Variants in TMC2 observed in about 807,000 individuals in gnomAD.
TMC2 encodes transmembrane channel-like protein 2.
Under a neutral mutation model 105.9 loss-of-function variants are expected in TMC2, and 102 were observed. The ratio of observed to expected loss-of-function variants is 0.96; its 90% CI spans 0.82 to 1.14. TMC2 has a LOEUF of 1.14. Among genes scored for constraint, TMC2 ranks in the 50% most tolerant of loss-of-function variants. The probability of loss-of-function intolerance (pLI) is 0.00; values close to 1 mark genes in which losing one functional copy is unlikely to be tolerated. For missense variants in TMC2, 1,093 were observed against 1,134.3 expected, an observed-to-expected ratio of 0.96 and a Z score of 0.52; for synonymous variants, 402 against 422.8, an observed-to-expected ratio of 0.95 and a Z score of 0.60.
chr20:2,553,724 G>A (rs1320247305), intron 2 of TMC2, among the ~76,000 whole-genome samples: 1 of 152,104 alleles, frequency 6.6e-6, no homozygotes, highest in Non-Finnish European at 1.5e-5. Context: ...GTTATTAATT[G>A]CCGAGACAAT....
chr20:2,559,082 G>GGCGGGGCGCGGGTGGAGAGGTT (rs1235534585), intron 3 of TMC2, among the ~76,000 whole-genome samples: 21 of 152,014 alleles, frequency 1.4e-4, no homozygotes, highest in East Asian at 3.9e-4. Context: ...GTGGAGAGGT[G>GGCGGGGCGCGGGTGGAGAGGTT]ACAGGGCAGC....
At chr20:2,611,596 C>G (rs753555233) in intron 12 of TMC2, among the ~76,000 whole-genome samples, 3 of 152,152 alleles carry the variant, frequency 2.0e-5, no homozygotes, top group Non-Finnish European at 4.4e-5. Flanking sequence ...TGTGGATGCT[C>G]CTTTTCCCAG....
At chr20:2,540,842 C>G (rs1314119817) in intron 2 of TMC2, among the ~76,000 whole-genome samples, 1 of 152,106 alleles carries the variant, frequency 6.6e-6, no homozygotes, top group Non-Finnish European at 1.5e-5. Context: ...TAGTGTGACC[C>G]TTTGATGTAG....
At chr20:2,585,926 A>G (rs1265653149) in intron 7 of TMC2, among the ~76,000 whole-genome samples, 2 of 152,202 alleles carry the variant, frequency 1.3e-5, no homozygotes, top group African/African-American at 4.8e-5. Flanking sequence ...TTTATTCCTT[A>G]GTAGTGAGTC....
At chr20:2,574,076 A>G (rs2086125152) in intron 5 of TMC2, among the ~76,000 whole-genome samples, 1 of 152,176 alleles carries the variant, frequency 6.6e-6, no homozygotes, top group Non-Finnish European at 1.5e-5. Flanking sequence ...ATGGGAGTTG[A>G]TGGCTTGAAA....
intron 2 of TMC2, among the ~76,000 whole-genome samples, chr20:2,544,454 T>C (rs897862160): frequency 1.3e-5 from 2 of 152,164 alleles, no homozygotes; most frequent in African/African-American, 4.8e-5. Context: ...TAACCAAATA[T>C]GAGGTTACTC....
chr20:2,548,799 G>A (rs535244069), intron 2 of TMC2, among the ~76,000 whole-genome samples: 1 of 152,230 alleles, frequency 6.6e-6, no homozygotes, highest in Admixed American at 6.5e-5. Context: ...AAAATGTTCA[G>A]AGTAATGAAT....
intron 5 of TMC2, among the ~76,000 whole-genome samples, chr20:2,577,881 T>A (rs1257199257): frequency 6.6e-6 from 1 of 151,860 alleles, no homozygotes; most frequent in African/African-American, 2.4e-5. Context: ...GGCAGCAGAG[T>A]GAGACCATGT....
In TMC2 at chr20:2,616,326, CCTCTTT is replaced by C; in HGVS notation, c.1940+124_1940+129del. On this transcript the variant is annotated intron_variant, in intron 15 of 19. Coordinates refer to ENST00000358864, the MANE Select transcript of TMC2 (RefSeq NM_080751.3). The surrounding 1 kb of genome is among the most constrained non-coding windows in gnomAD (Gnocchi z 4.8). ...AAGTCCTCTTGCCTCTCTGAACTCC[CCTCTTT>C]CACATGAAAAATCAAGAGCGGGACT... 1.3e-6 allele frequency: 1 copy of C among 748,364 alleles called. No individual in the cohort carries two copies. Among genetic ancestry groups the C allele is most frequent in the South Asian group, 1.5e-5 (1 of 65,244 alleles). The allele number at this position is 748,364 out of a possible 1,614,324, so 46.4% of individuals were successfully genotyped here.
chr20:2,558,884 C>A lies in TMC2; in HGVS notation c.401+110C>A. 8.7e-7 allele frequency: 1 copy of A among 1,151,962 alleles called. No individual in the cohort carries two copies. The highest frequency in any genetic ancestry group is 1.2e-6 in the Non-Finnish European group (1 of 834,096). The allele number at this position is 1,151,962 out of a possible 1,614,324, so 71.4% of individuals were successfully genotyped here. ...TGCCCCCCTCCCCGGGGAGAGGCAG[C>A]CCGTGCCCTCGCTCTGGCTTCCGTG... On this transcript the variant is annotated intron_variant, in intron 3 of 19. Transcript: ENST00000358864. The surrounding 1 kb of genome is among the most constrained non-coding windows in gnomAD (Gnocchi z 4.6).
At chr20:2,569,457 G>C (rs6106982) in intron 4 of TMC2, among the ~76,000 whole-genome samples, 19,273 of 152,076 alleles carry the variant, frequency 0.13, 1,520 homozygotes, top group African/African-American at 0.21. Flanking sequence ...TGGATATACT[G>C]CATCATAAGT....
At position 2,613,298 on chromosome 20, in the gene TMC2, G is replaced by C. The variant is rs955255332; in HGVS notation, c.1848G>C (p.Trp616Cys). Residue 616 changes from tryptophan (W) to cysteine (C), a missense_variant, in exon 14 of 20, where the codon TGG (tryptophan) becomes TGC (cysteine). Trp to Cys is a radical substitution (Grantham distance 215). Coordinates refer to ENST00000358864, the MANE Select transcript of TMC2 (RefSeq NM_080751.3). ...ACFVRFMNYC[W>C]CWDLEAGFPS... ...TTGTGCGGTTCATGAACTACTGCTG[G>C]TGCTGGGACTTGGAGGCTGGATTTG... 1.9e-6 allele frequency: 3 copies of C among 1,613,984 alleles called. No homozygotes were observed. The highest frequency in any genetic ancestry group is 1.7e-5 in the Admixed American group (1 of 59,992).
intron 6 of TMC2, 121 bp downstream of exon 6, chr20:2,579,348 A>G: frequency 2.3e-6 from 1 of 431,256 alleles, no homozygotes; most frequent in Non-Finnish European, 4.2e-6. Flanking sequence ...TTAGGAAAAA[A>G]GAATGAGTTT....
intron 7 of TMC2, among the ~76,000 whole-genome samples, chr20:2,589,318 G>GTGTGTGTT: frequency 1.3e-5 from 2 of 150,566 alleles, no homozygotes; most frequent in Non-Finnish European, 1.5e-5. Flanking sequence ...GTGTGTGTGT[G>GTGTGTGTT]TGTGTGGAGA....
In TMC2 at chr20:2,582,265, C is replaced by G. The variant is rs542395472; in HGVS notation, c.834+2209C>G. On this transcript the variant is annotated intron_variant, in intron 7 of 19. Transcript: ENST00000358864. ...GATGGGAAATTGGCCATATGGGAAT[C>G]AGACACATCCAAATTCATTGCACAT... is the stretch of plus-strand genomic sequence containing the variant. Among the ~76,000 whole-genome samples the G allele has an allele frequency of 3.9e-5, 6 of 152,198 alleles. 1 individual carries two copies. In the South Asian group the frequency reaches 1.2e-3, roughly 32 times the overall value.
chr20:2,606,976 T>G lies in TMC2; in HGVS notation c.1414-3443T>G, dbSNP rs192221238. 4.6e-5 allele frequency among the ~76,000 whole-genome samples: 7 copies of G among 151,488 alleles called. No individual in the cohort carries two copies. In the East Asian group the frequency reaches 1.4e-3, roughly 29 times the overall value. On this transcript the variant is annotated intron_variant, in intron 11 of 19. Coordinates refer to ENST00000358864, the MANE Select transcript of TMC2 (RefSeq NM_080751.3). ...TATTTATATTGTTTTGTGACCTATA[T>G]TTTCTTAACATCTTTCAGTTTTCTG...
In TMC2 at chr20:2,592,407, A is replaced by C; in HGVS notation, c.932A>C (p.Glu311Ala). The C allele has an allele frequency of 1.9e-6, 3 of 1,605,740 alleles. No individual in the cohort carries two copies. Among genetic ancestry groups the C allele is most frequent in the Non-Finnish European group, 2.6e-6 (3 of 1,172,396 alleles). Residue 311 changes from glutamate (E) to alanine (A), a missense_variant and splice_region_variant, in exon 8 of 20, where the codon GAG becomes GCG. Physicochemically the swap from Glu to Ala is moderately radical, Grantham distance 107 (BLOSUM62 -1). Transcript: ENST00000358864. This position sits in a 1 kb window ranked among gnomAD's most constrained non-coding sequence, Gnocchi z 4.9. Reference sequence around the variant, plus strand: ...GATTTTTCTGTCCTTTGGGATTTTGAGGTACTATTGTCAACATGCCAATGA... The same window carrying C: ...GATTTTTCTGTCCTTTGGGATTTTGCGGTACTATTGTCAACATGCCAATGA... ...AMDFSVLWDF[E>A]GYIKYSALFY...
intron 19 of TMC2, among the ~76,000 whole-genome samples, chr20:2,638,952 G>C (rs761339725): frequency 6.6e-6 from 1 of 152,134 alleles, no homozygotes; most frequent in Non-Finnish European, 1.5e-5. Context: ...CTGGAATGCA[G>C]TGGTGTGATC....
At chr20:2,591,566 G>T (rs1298477492) in intron 7 of TMC2, among the ~76,000 whole-genome samples, 4 of 152,008 alleles carry the variant, frequency 2.6e-5, no homozygotes, top group Non-Finnish European at 4.4e-5. Flanking sequence ...TTAGCTGGGC[G>T]TGGGGGTACA....
Sources: allele counts gnomAD v4.1 joint callset (sites outside exome capture counted in the v4.1 genomes callset), GRCh38; gene constraint gnomAD v4.1.1; non-coding constraint Gnocchi (gnomAD v3.1); transcripts MANE v1.5; gene names NCBI Gene and HGNC (gene_info 2026-07-23, HGNC 2026-07-21).